The following GPHN variants were observed in gnomAD, a reference collection of about 807,000 sequenced individuals.
GPHN encodes gephyrin.
A neutral mutation model predicts 95.5 loss-of-function variants in GPHN; 17 were observed. The observed-to-expected ratio is 0.18, with a 90% CI of 0.12 to 0.27. GPHN has a LOEUF of 0.27. Among genes scored for constraint, GPHN ranks in the 10% least tolerant of loss-of-function variants. The pLI is 1.00. For synonymous variants in GPHN, 320 were observed against 322.5 expected (o/e 0.99, Z 0.08); for missense variants, 660 against 978.1 (o/e 0.67, Z 4.34).
chr14:67,561,283 C>T, the GPHN span, among the ~76,000 whole-genome samples: 4 of 152,170 alleles, frequency 2.6e-5, no homozygotes, highest in African/African-American at 2.4e-5. Context: ...GGCAGTGGCT[C>T]ACACCTGTAG....
the GPHN span, chr14:67,208,420 GA>G: frequency 5.0e-6 from 8 of 1,613,836 alleles, no homozygotes; most frequent in Non-Finnish European, 6.8e-6. Context: ...CTGATTTTCA[GA>G]GCACAGCTCT....
chr14:66,574,504 A>G (rs151338421), intron 1 of GPHN, among the ~76,000 whole-genome samples: 3 of 152,150 alleles, frequency 2.0e-5, no homozygotes, highest in African/African-American at 4.8e-5. Flanking sequence ...TTATATTTTC[A>G]TATGTTTACA....
intron 1 of GPHN, among the ~76,000 whole-genome samples, chr14:66,612,448 A>G (rs1044763120): frequency 1.3e-5 from 2 of 152,186 alleles, no homozygotes; most frequent in Admixed American, 1.3e-4. Context: ...CAAAATAAAC[A>G]CAATGAAGTT....
At chr14:66,537,391 T>C (rs1447814098) in intron 1 of GPHN, among the ~76,000 whole-genome samples, 1 of 152,180 alleles carries the variant, frequency 6.6e-6, no homozygotes, top group African/African-American at 2.4e-5. Context: ...TTTTCAGTTA[T>C]ACATTCTTCT....
At chr14:67,058,824 A>AT (rs1304461452) in intron 11 of GPHN, 38 bp downstream of exon 11, 4 of 1,576,400 alleles carry the variant, frequency 2.5e-6, no homozygotes, top group Non-Finnish European at 3.5e-6. Flanking sequence ...TCTTTTCTTC[A>AT]TTTTTTTCCA....
intron 2 of GPHN, among the ~76,000 whole-genome samples, chr14:66,705,636 A>G (rs2069006115): frequency 6.6e-6 from 1 of 152,120 alleles, no homozygotes; most frequent in South Asian, 2.1e-4. Flanking sequence ...TAAAAACTCT[A>G]AATAAACTAT....
At chr14:66,813,983 A>G (rs949798204) in intron 3 of GPHN, among the ~76,000 whole-genome samples, 1 of 152,084 alleles carries the variant, frequency 6.6e-6, no homozygotes, top group African/African-American at 2.4e-5. Context: ...CTCCCTCCCC[A>G]GCCTGTGCAG....
At chr14:67,393,135 G>C in the GPHN span, 2 of 1,580,550 alleles carry the variant, frequency 1.3e-6, no homozygotes. Context: ...GCCCGGCCCT[G>C]GGGGACAGGC....
chr14:67,450,765 T>C, the GPHN span, among the ~76,000 whole-genome samples: 8 of 152,296 alleles, frequency 5.3e-5, no homozygotes, highest in South Asian at 1.7e-3. Flanking sequence ...AGACTGACAA[T>C]GCGATAGAAA....
chr14:66,846,011 G>A (rs920998668), intron 4 of GPHN, among the ~76,000 whole-genome samples: 1 of 152,204 alleles, frequency 6.6e-6, no homozygotes, highest in Non-Finnish European at 1.5e-5. Context: ...TTGTCTTCAA[G>A]CAGTTTAAAA....
the GPHN span, among the ~76,000 whole-genome samples, chr14:67,390,283 A>T: frequency 7.9e-4 from 121 of 152,356 alleles, no homozygotes; most frequent in Admixed American, 1.4e-3. Flanking sequence ...AGGGAGGCAG[A>T]ATTAATGGGA....
At chr14:67,066,887 C>T (rs1877339712) in intron 11 of GPHN, among the ~76,000 whole-genome samples, 1 of 152,154 alleles carries the variant, frequency 6.6e-6, no homozygotes, top group African/African-American at 2.4e-5. Context: ...GCTCCTTTAG[C>T]TCGGAGAAGT....
At chr14:66,672,404 A>G (rs962988291) in intron 1 of GPHN, among the ~76,000 whole-genome samples, 13 of 152,210 alleles carry the variant, frequency 8.5e-5, no homozygotes, top group Non-Finnish European at 4.4e-5. Flanking sequence ...GAAGTCATCA[A>G]TAGATGAGAG....
At chr14:67,095,330 G>A (rs904259426) in intron 12 of GPHN, among the ~76,000 whole-genome samples, 6 of 152,230 alleles carry the variant, frequency 3.9e-5, no homozygotes, top group Middle Eastern at 3.4e-3. Context: ...CACTGTTGGT[G>A]GGACTGTAAA....
chr14:67,412,189 C>T, the GPHN span: 210 of 674,090 alleles, frequency 3.1e-4, 1 homozygote, highest in Admixed American at 8.7e-5. Flanking sequence ...CAGGGCGACG[C>T]CTCCCTGGCG....
At chr14:66,994,591 A>G (rs1411088869) in intron 9 of GPHN, among the ~76,000 whole-genome samples, 1 of 152,218 alleles carries the variant, frequency 6.6e-6, no homozygotes. Flanking sequence ...TTTTCCTAGC[A>G]ATAGAAAATA....
chr14:66,607,306 T>C (rs2062580706), intron 1 of GPHN, among the ~76,000 whole-genome samples: 1 of 152,134 alleles, frequency 6.6e-6, no homozygotes, highest in South Asian at 2.1e-4. Context: ...CAACCCTGCA[T>C]CCAAGAATAC....
chr14:67,663,834 T>C, the GPHN span, among the ~76,000 whole-genome samples: 1 of 152,278 alleles, frequency 6.6e-6, no homozygotes, highest in Non-Finnish European at 1.5e-5. Context: ...GGGGTGAGGT[T>C]CTGGTGCCAG....
the GPHN span, among the ~76,000 whole-genome samples, chr14:67,405,169 G>A: frequency 6.8e-6 from 1 of 146,054 alleles, no homozygotes; most frequent in Non-Finnish European, 1.5e-5. Flanking sequence ...GGAAGTGGAG[G>A]TTGCAGTGAG....
Sources: allele counts gnomAD v4.1 joint callset (sites outside exome capture counted in the v4.1 genomes callset), GRCh38; gene constraint gnomAD v4.1.1; transcripts MANE v1.5; gene names NCBI Gene and HGNC (gene_info 2026-07-23, HGNC 2026-07-21).